The following PARD3B variants were observed in gnomAD, a reference collection of about 807,000 sequenced individuals.
The protein encoded by PARD3B is partitioning defective 3 homolog B.
A neutral mutation model predicts 130.2 loss-of-function variants in PARD3B; 103 were observed. That is an observed-to-expected ratio of 0.79 (90% CI 0.67 to 0.93). The LOEUF is 0.93. PARD3B is among the 40% of genes least tolerant of loss of function. PARD3B has a pLI of 0.00. For synonymous variants in PARD3B, 583 were observed against 553.2 expected, an observed-to-expected ratio of 1.05 and a Z score of -0.76; for missense variants, 1,609 against 1,499.2, an observed-to-expected ratio of 1.07 and a Z score of -1.21.
At chr2:205,247,366 G>A (rs1369330945) in intron 16 of PARD3B, among the ~76,000 whole-genome samples, 2 of 152,078 alleles carry the variant, frequency 1.3e-5, no homozygotes, top group African/African-American at 4.8e-5. Context: ...TCTTTACATA[G>A]TATGATATAA....
At chr2:205,331,321 A>G (rs1170900363) in intron 18 of PARD3B, among the ~76,000 whole-genome samples, 1 of 151,768 alleles carries the variant, frequency 6.6e-6, no homozygotes, top group Non-Finnish European at 1.5e-5. Flanking sequence ...CATAGATGAC[A>G]GATCAGGTAT....
At chr2:205,536,778 C>T (rs2051880185) in intron 21 of PARD3B, among the ~76,000 whole-genome samples, 1 of 152,134 alleles carries the variant, frequency 6.6e-6, no homozygotes, top group Admixed American at 6.5e-5. Context: ...GGAAGATTTT[C>T]AGTAATTGGG....
At chr2:204,854,540 T>C (rs1482323860) in intron 2 of PARD3B, among the ~76,000 whole-genome samples, 2 of 152,098 alleles carry the variant, frequency 1.3e-5, no homozygotes, top group African/African-American at 4.8e-5. Flanking sequence ...TGGTGAAATG[T>C]TCTAGAGGAC....
intron 20 of PARD3B, among the ~76,000 whole-genome samples, chr2:205,491,290 T>C (rs2049697519): frequency 6.6e-6 from 1 of 152,182 alleles, no homozygotes; most frequent in Non-Finnish European, 1.5e-5. Flanking sequence ...TTGTATAAGG[T>C]GTAAGGAAGG....
At chr2:205,310,892 T>G (rs2042364109) in intron 18 of PARD3B, among the ~76,000 whole-genome samples, 1 of 151,684 alleles carries the variant, frequency 6.6e-6, no homozygotes, top group Admixed American at 6.6e-5. Flanking sequence ...CCCGGCTAAT[T>G]TTTGTATTTT....
At chr2:205,404,771 T>A (rs901983293) in intron 19 of PARD3B, among the ~76,000 whole-genome samples, 26 of 152,116 alleles carry the variant, frequency 1.7e-4, no homozygotes, top group Non-Finnish European at 2.9e-5. Flanking sequence ...TGCCTCAGCC[T>A]CCCAAGTGCT....
At chr2:205,046,534 A>G (rs1698797110) in intron 3 of PARD3B, among the ~76,000 whole-genome samples, 1 of 151,622 alleles carries the variant, frequency 6.6e-6, no homozygotes. Context: ...AGATAAAAAA[A>G]TATTTGCAAT....
chr2:204,839,431 C>G (rs906449730), intron 2 of PARD3B, among the ~76,000 whole-genome samples: 2 of 152,152 alleles, frequency 1.3e-5, no homozygotes, highest in African/African-American at 4.8e-5. Flanking sequence ...ACAGACTTTT[C>G]CCATTGATTA....
chr2:205,055,510 A>G (rs1373687552), intron 4 of PARD3B, among the ~76,000 whole-genome samples: 1 of 152,214 alleles, frequency 6.6e-6, no homozygotes, highest in Non-Finnish European at 1.5e-5. Context: ...TGTTTAAAGT[A>G]GTTTTATTTT....
intron 21 of PARD3B, among the ~76,000 whole-genome samples, chr2:205,547,614 A>G (rs955929628): frequency 5.3e-5 from 8 of 152,146 alleles, no homozygotes; most frequent in African/African-American, 1.9e-4. Flanking sequence ...TGCTCATATC[A>G]GGAGCCACCA....
chr2:204,708,986 G>A (rs981919837), intron 2 of PARD3B, among the ~76,000 whole-genome samples: 1 of 152,112 alleles, frequency 6.6e-6, no homozygotes, highest in Non-Finnish European at 1.5e-5. Flanking sequence ...TCTGGTGGAT[G>A]GGATTTTCTA....
chr2:205,047,664 G>A lies in PARD3B; in HGVS notation c.478G>A (p.Gly160Ser), dbSNP rs191906362. ...CCAGCCAAGCGCTTCACACCCTGGT[G>A]GCCAGAGTCTGAAACTGGTTGTTCC... ...DTQPSASHPG[G>S]QSLKLVVPDS... The change falls in exon 4 of 23, where the codon GGC becomes AGC. Residue 160 changes from glycine (G) to serine (S), a missense_variant. By Grantham distance (56) the Gly-to-Ser change is moderately conservative. Transcript: ENST00000406610. 324 of 1,550,400 alleles carry A rather than the reference G, an allele frequency of 2.1e-4. No individual in the cohort carries two copies. The Middle Eastern group carries it at 3.4e-3, about 16-fold the overall frequency.
chr2:205,379,485 A>ATTT (rs2045224493), intron 18 of PARD3B, among the ~76,000 whole-genome samples: 4 of 150,846 alleles, frequency 2.7e-5, no homozygotes, highest in African/African-American at 9.8e-5. Flanking sequence ...GTTTTTTTTA[A>ATTT]AAAAAAAGCA....
chr2:204,985,015 G>A (rs1032684146), intron 3 of PARD3B, among the ~76,000 whole-genome samples: 4 of 148,156 alleles, frequency 2.7e-5, no homozygotes, highest in Non-Finnish European at 4.5e-5. Flanking sequence ...TCTCTACCAC[G>A]TTTGGCACGT....
chr2:204,806,526 A>G (rs2042774956), intron 2 of PARD3B, among the ~76,000 whole-genome samples: 1 of 152,190 alleles, frequency 6.6e-6, no homozygotes, highest in Non-Finnish European at 1.5e-5. Context: ...ACCTGAAGCT[A>G]TGAAACTATT....
chr2:205,462,404 T>A (rs182995212), intron 20 of PARD3B, among the ~76,000 whole-genome samples: 1 of 152,210 alleles, frequency 6.6e-6, no homozygotes, highest in Non-Finnish European at 1.5e-5. Flanking sequence ...CACCTGCACA[T>A]GCATTCTTAG....
chr2:204,765,163 G>T, intron 2 of PARD3B, among the ~76,000 whole-genome samples: 1 of 152,186 alleles, frequency 6.6e-6, no homozygotes, highest in Non-Finnish European at 1.5e-5. Context: ...CAGTACATTT[G>T]TTTCACTGAG....
intron 1 of PARD3B, among the ~76,000 whole-genome samples, chr2:204,649,917 A>G (rs1226898884): frequency 2.0e-5 from 3 of 152,206 alleles, no homozygotes; most frequent in Non-Finnish European, 4.4e-5. Flanking sequence ...GACAAGTGAG[A>G]TCTAATTAAA....
In PARD3B at chr2:205,172,366, A is replaced by G; in HGVS notation, c.1776A>G (p.Pro592=). The change falls in exon 12 of 23, where the codon CCA becomes CCG. Residue 592 remains proline, a synonymous_variant. Transcript: ENST00000406610. Reference sequence around the variant, plus strand: ...TCCAGTTGGTGATTCTGAGGAGGCCAGAGAGACCAATGGAGGTGATGCAAA... The same window carrying G: ...TCCAGTTGGTGATTCTGAGGAGGCCGGAGAGACCAATGGAGGTGATGCAAA... ...GMIQLVILRR[P]ERPMEDPAEC... The G allele has an allele frequency of 3.7e-6, 6 of 1,613,938 alleles. No homozygotes were observed. The highest frequency in any genetic ancestry group is 5.1e-6 in the Non-Finnish European group (6 of 1,179,906).
Sources: allele counts gnomAD v4.1 joint callset (sites outside exome capture counted in the v4.1 genomes callset), GRCh38; gene constraint gnomAD v4.1.1; transcripts MANE v1.5; gene names NCBI Gene and HGNC (gene_info 2026-07-23, HGNC 2026-07-21).